Variants in OR56A3 observed in about 807,000 individuals in gnomAD.
The protein encoded by OR56A3 is olfactory receptor family 56 subfamily A member 3.
Under a neutral mutation model 17.5 loss-of-function variants are expected in OR56A3, and 23 were observed. That is an observed-to-expected ratio of 1.32 (90% confidence interval 0.95 to 1.87). OR56A3 has a LOEUF of 1.87. Among genes scored for constraint, OR56A3 ranks in the 40% most tolerant of loss-of-function variants. The pLI, the probability that OR56A3 is intolerant of heterozygous loss-of-function variation, is 0.00. For synonymous variants in OR56A3, 175 were observed against 150.6 expected, an observed-to-expected ratio of 1.16 and a Z score of -1.19; for missense variants, 366 against 380.1, an observed-to-expected ratio of 0.96 and a Z score of 0.31.
the OR56A3 span, among the ~76,000 whole-genome samples, chr11:5,957,506 T>C: frequency 6.6e-6 from 1 of 152,210 alleles, no homozygotes; most frequent in Non-Finnish European, 1.5e-5. Flanking sequence ...TTCTCCACTA[T>C]CTTGTAACTT....
the OR56A3 span, among the ~76,000 whole-genome samples, chr11:5,960,496 A>C: frequency 6.6e-6 from 1 of 152,184 alleles, no homozygotes; most frequent in African/African-American, 2.4e-5. Flanking sequence ...CCTGACCGCG[A>C]GTGGTCTGCC....
At chr11:6,002,937 C>G in the OR56A3 span, 35 of 1,613,640 alleles carry the variant, frequency 2.2e-5, no homozygotes, top group Non-Finnish European at 2.9e-5. Flanking sequence ...GTTGGGGAAG[C>G]AGATGAGGAG....
chr11:5,955,940 C>T (rs1847930011), downstream of OR56A3, among the ~76,000 whole-genome samples: 1 of 152,116 alleles, frequency 6.6e-6, no homozygotes, highest in Admixed American at 6.5e-5. Context: ...GCAGCTGCAG[C>T]GTTTACCCCA....
chr11:6,005,910 G>A, the OR56A3 span, among the ~76,000 whole-genome samples: 2 of 152,134 alleles, frequency 1.3e-5, no homozygotes, highest in Admixed American at 6.5e-5. Context: ...AATTTTCCGA[G>A]GACACAAACA....
chr11:5,972,324 G>A, the OR56A3 span, among the ~76,000 whole-genome samples: 1 of 152,102 alleles, frequency 6.6e-6, no homozygotes, highest in Non-Finnish European at 1.5e-5. Context: ...TCATGCATTC[G>A]GTATCAGAGC....
the OR56A3 span, chr11:6,016,902 T>C: frequency 2.0e-5 from 3 of 150,974 alleles, no homozygotes; most frequent in Non-Finnish European, 4.4e-5. Flanking sequence ...GTTTCAACAA[T>C]AGACTAGGTT....
the OR56A3 span, among the ~76,000 whole-genome samples, chr11:5,973,407 T>C: frequency 6.6e-6 from 1 of 152,352 alleles, no homozygotes; most frequent in South Asian, 2.1e-4. Flanking sequence ...CCTATTAATA[T>C]GATGTCTAGT....
chr11:5,994,772 T>C, the OR56A3 span: 1 of 760,824 alleles, frequency 1.3e-6, no homozygotes, highest in Non-Finnish European at 2.4e-6. Context: ...CTCAAAGGTC[T>C]TGAAGTAATG....
the OR56A3 span, among the ~76,000 whole-genome samples, chr11:5,984,600 T>C: frequency 6.6e-6 from 1 of 152,200 alleles, no homozygotes; most frequent in Admixed American, 6.5e-5. Context: ...TACCAGAGTT[T>C]AAGCCCTAGA....
the OR56A3 span, among the ~76,000 whole-genome samples, chr11:5,964,314 T>C: frequency 6.6e-6 from 1 of 152,230 alleles, no homozygotes; most frequent in Non-Finnish European, 1.5e-5. Flanking sequence ...AGTTGATGTC[T>C]GCCCATTGAA....
chr11:6,013,417 G>A, the OR56A3 span, among the ~76,000 whole-genome samples: 1 of 152,212 alleles, frequency 6.6e-6, no homozygotes. Flanking sequence ...AGCAGATCAT[G>A]GGCCCCAGGC....
chr11:6,005,470 A>T, the OR56A3 span, among the ~76,000 whole-genome samples: 3 of 152,192 alleles, frequency 2.0e-5, no homozygotes, highest in African/African-American at 7.2e-5. Flanking sequence ...CAGCCTTGAG[A>T]GGATCCTTAG....
At chr11:6,008,710 A>G in the OR56A3 span, among the ~76,000 whole-genome samples, 1 of 152,096 alleles carries the variant, frequency 6.6e-6, no homozygotes, top group African/African-American at 2.4e-5. Flanking sequence ...AACAAACATT[A>G]ATCTTGACTC....
chr11:6,015,844 TC>T, the OR56A3 span, among the ~76,000 whole-genome samples: 1 of 152,224 alleles, frequency 6.6e-6, no homozygotes, highest in Admixed American at 6.5e-5. Flanking sequence ...ACTAGGCTCG[TC>T]TTAAATGTGA....
chr11:5,976,559 C>T, the OR56A3 span, among the ~76,000 whole-genome samples: 1 of 152,182 alleles, frequency 6.6e-6, no homozygotes, highest in South Asian at 2.1e-4. Context: ...AACACTTGTT[C>T]AGTCATCATT....
chr11:5,948,173 T>G lies in OR56A3; in HGVS notation c.827T>G (p.Val276Gly). ...GCTAAGAAGAAAGTCTCCCCTGATGTGCCAGTCTTGCTCAATGTTCTCCAC... is the reference window on the plus strand; with the variant it reads ...GCTAAGAAGAAAGTCTCCCCTGATGGGCCAGTCTTGCTCAATGTTCTCCAC... ...HVAKKKVSPD[V>G]PVLLNVLHHV... Residue 276 changes from valine (V) to glycine (G), a missense_variant, in exon 3 of 3, where the codon GTG becomes GGG. Val to Gly is a moderately radical substitution (Grantham distance 109, BLOSUM62 -3). Coordinates refer to ENST00000641160, the MANE Select transcript of OR56A3 (RefSeq NM_001003443.3). 1.2e-6 allele frequency: 2 copies of G among 1,614,216 alleles called. No homozygotes were observed. The highest frequency in any genetic ancestry group is 4.5e-5 in the East Asian group (2 of 44,888).
At chr11:5,984,413 G>C in the OR56A3 span, among the ~76,000 whole-genome samples, 1 of 152,176 alleles carries the variant, frequency 6.6e-6, no homozygotes, top group Non-Finnish European at 1.5e-5. Flanking sequence ...CATGGTTGGT[G>C]GCCCAGACAG....
rs1376757520 is a variant in OR56A3, at chr11:5,948,339, T to C, written c.*45T>C. On this transcript the variant is annotated 3_prime_UTR_variant, in exon 3 of 3. Transcript: ENST00000641160. Reference sequence around the variant, plus strand: ...GAATATCTAAAATAAGATAATTTATTAATCACTTAATGAGTGAGTGGGCTG... The same window carrying C: ...GAATATCTAAAATAAGATAATTTATCAATCACTTAATGAGTGAGTGGGCTG... 7 of 1,331,804 alleles carry C rather than the reference T, an allele frequency of 5.3e-6. No individual in the cohort carries two copies. Among genetic ancestry groups the C allele is most frequent in the South Asian group, 1.3e-5 (1 of 77,210 alleles). 82.5% of individuals were successfully genotyped at this position (1,331,804 alleles called of 1,614,324 possible).
the OR56A3 span, chr11:5,994,979 C>T: frequency 1.4e-6 from 1 of 698,690 alleles, no homozygotes; most frequent in African/African-American, 1.8e-5. Context: ...AGCCAGGCGC[C>T]CGGACCCCAA....
Sources: gnomAD v4.1 joint callset for allele counts (sites outside exome capture counted in the v4.1 genomes callset) on GRCh38, gnomAD v4.1.1 for gene constraint, MANE v1.5 for transcripts, NCBI Gene and HGNC (gene_info 2026-07-23, HGNC 2026-07-21) for gene names.